The following FAM120C variants were observed in gnomAD, a reference collection of about 807,000 sequenced individuals.
FAM120C encodes the protein family with sequence similarity 120 member C, also known as constitutive coactivator of PPAR-gamma-like protein 2.
Under a neutral mutation model 71.2 loss-of-function variants are expected in FAM120C, and 14 were observed. That is an observed-to-expected ratio of 0.20 (90% confidence interval 0.13 to 0.31). The LOEUF (loss-of-function observed/expected upper bound fraction) is 0.31, where lower values mean the gene tolerates loss of function less well. FAM120C is among the 10% of genes least tolerant of loss of function. FAM120C has a pLI of 1.00. For missense variants in FAM120C, 500 were observed against 879.0 expected (o/e 0.57, Z 5.45); for synonymous variants, 354 against 353.2 (o/e 1.00, Z -0.03).
chrX:54,152,227 T>C (rs1245818372), intron 3 of FAM120C, among the ~76,000 whole-genome samples: 2 of 110,587 alleles, frequency 1.8e-5, no homozygotes, highest in Non-Finnish European at 3.8e-5. Context: ...ATTTCCCTCA[T>C]GGTGTTGTCT....
At position 54,151,366 on chromosome X, in the gene FAM120C, G is replaced by C. The variant is rs1557132990; in HGVS notation, c.1037C>G (p.Ala346Gly). The C allele has an allele frequency of 8.3e-7, 1 of 1,205,082 alleles. No individual in the cohort carries two copies. Among genetic ancestry groups the C allele is most frequent in the African/African-American group, 1.8e-5 (1 of 56,952 alleles). Reference sequence around the variant, plus strand: ...ACAGGGAGGAAGAACCAGCTGATGAGCTCGAACCTAGAAAGGCAAGATAAG... The same window carrying C: ...ACAGGGAGGAAGAACCAGCTGATGACCTCGAACCTAGAAAGGCAAGATAAG... ...EHPLASLKVR[A>G]HQLVLPPCDV... The change falls in exon 4 of 16, where the codon GCT becomes GGT. Residue 346 changes from alanine (A) to glycine (G), a missense_variant. Transcript: ENST00000375180.
chrX:54,178,499 AG>A (rs1788289714), intron 1 of FAM120C, among the ~76,000 whole-genome samples: 3 of 111,977 alleles, frequency 2.7e-5, no homozygotes, highest in Non-Finnish European at 5.6e-5. Context: ...ACCACTTACT[AG>A]TACTTAGAAC....
intron 1 of FAM120C, among the ~76,000 whole-genome samples, chrX:54,175,912 C>T (rs2067314510): frequency 1.8e-5 from 2 of 111,382 alleles, no homozygotes. Context: ...TGTTGTCAGC[C>T]ATTATGCTAC....
chrX:54,094,969 G>A (rs181125024), intron 10 of FAM120C, among the ~76,000 whole-genome samples: 1 of 110,600 alleles, frequency 9.0e-6, no homozygotes, highest in African/African-American at 3.3e-5. Context: ...AGGCTGAGGT[G>A]GGAGAGAGAA....
intron 10 of FAM120C, among the ~76,000 whole-genome samples, chrX:54,109,364 T>C (rs2066923010): frequency 1.0e-5 from 1 of 95,303 alleles, no homozygotes; most frequent in Non-Finnish European, 2.1e-5. Flanking sequence ...CTCATGCTTA[T>C]AATCCCAGCA....
intron 13 of FAM120C, among the ~76,000 whole-genome samples, chrX:54,083,934 T>C (rs1324653241): frequency 2.7e-5 from 3 of 111,359 alleles, no homozygotes; most frequent in African/African-American, 9.8e-5. Flanking sequence ...TGGCCAGGCT[T>C]GTCTGGAACT....
chrX:54,164,611 A>G (rs193214902), intron 1 of FAM120C, among the ~76,000 whole-genome samples: 6 of 112,157 alleles, frequency 5.3e-5, no homozygotes, highest in African/African-American at 1.6e-4. Context: ...TTAAGGCTGA[A>G]TAATATTCCA....
intron 1 of FAM120C, among the ~76,000 whole-genome samples, chrX:54,172,922 A>C (rs1458823461): frequency 8.9e-6 from 1 of 112,596 alleles, no homozygotes; most frequent in Non-Finnish European, 1.9e-5. Flanking sequence ...TGTTGTAACC[A>C]GCTGCTATGT....
chrX:54,143,074 A>G (rs1176791435), intron 4 of FAM120C, among the ~76,000 whole-genome samples: 1 of 111,843 alleles, frequency 8.9e-6, no homozygotes, highest in African/African-American at 3.3e-5. Flanking sequence ...CATCCACACC[A>G]AAACCCCATC....
At chrX:54,127,802 C>A (rs1324391621) in intron 9 of FAM120C, among the ~76,000 whole-genome samples, 1 of 109,212 alleles carries the variant, frequency 9.2e-6, no homozygotes, top group Non-Finnish European at 1.9e-5. Flanking sequence ...CTATGTTGCC[C>A]AGGCTGGTCT....
chrX:54,175,486 A>G (rs1557136536), intron 1 of FAM120C, among the ~76,000 whole-genome samples: 1 of 110,052 alleles, frequency 9.1e-6, no homozygotes, highest in African/African-American at 3.3e-5. Flanking sequence ...TGTCCAACCT[A>G]CTAGGTGCAC....
chrX:54,128,836 T>C (rs782522762), intron 9 of FAM120C, among the ~76,000 whole-genome samples: 1 of 111,644 alleles, frequency 9.0e-6, no homozygotes. Flanking sequence ...TTTTTCTTAG[T>C]ACAGAACAAA....
At chrX:54,132,213 G>A (rs1200528063) in intron 9 of FAM120C, among the ~76,000 whole-genome samples, 6 of 110,303 alleles carry the variant, frequency 5.4e-5, no homozygotes, top group African/African-American at 9.9e-5. Context: ...ACACAACCAC[G>A]CCTAATTTTT....
At chrX:54,078,194 C>A (rs1346674974) in intron 15 of FAM120C, among the ~76,000 whole-genome samples, 1 of 107,057 alleles carries the variant, frequency 9.3e-6, no homozygotes, top group African/African-American at 3.4e-5. Flanking sequence ...CCGCCCGCCT[C>A]GGCCTCCCAA....
chrX:54,075,324 G>A (rs1374759092), intron 15 of FAM120C, among the ~76,000 whole-genome samples: 2 of 111,834 alleles, frequency 1.8e-5, no homozygotes, highest in East Asian at 2.8e-4. Context: ...AAGTAGCAGA[G>A]CCACATTCAA....
At chrX:54,103,429 T>A (rs1569531906) in intron 10 of FAM120C, among the ~76,000 whole-genome samples, 1 of 112,057 alleles carries the variant, frequency 8.9e-6, no homozygotes. Context: ...GGTCAGCAAA[T>A]CATTGCTTAG....
intron 10 of FAM120C, among the ~76,000 whole-genome samples, chrX:54,092,090 T>G (rs1351641511): frequency 9.0e-6 from 1 of 111,347 alleles, no homozygotes; most frequent in Non-Finnish European, 1.9e-5. Context: ...AAGATCTCAA[T>G]TTGAGTGTTG....
chrX:54,093,373 G>C (rs1377053916), intron 10 of FAM120C, among the ~76,000 whole-genome samples: 5 of 112,114 alleles, frequency 4.5e-5, no homozygotes, highest in Admixed American at 3.8e-4. Context: ...AAGTTGAACA[G>C]ATTGTTCTGG....
intron 9 of FAM120C, among the ~76,000 whole-genome samples, chrX:54,128,128 C>G (rs1172584771): frequency 9.0e-6 from 1 of 111,608 alleles, no homozygotes; most frequent in Non-Finnish European, 1.9e-5. Context: ...CACCCAGATT[C>G]ATGCAATTCT....
Sources: gnomAD v4.1 joint callset for allele counts (sites outside exome capture counted in the v4.1 genomes callset) on GRCh38, gnomAD v4.1.1 for gene constraint, MANE v1.5 for transcripts, NCBI Gene and HGNC (gene_info 2026-07-23, HGNC 2026-07-21) for gene names.